Variants in TTC6 observed in about 807,000 individuals in gnomAD.
TTC6 encodes tetratricopeptide repeat protein 6.
Under a neutral mutation model 210.4 loss-of-function variants are expected in TTC6, and 172 were observed. That is an observed-to-expected ratio of 0.82 (90% CI 0.72 to 0.93). The LOEUF (loss-of-function observed/expected upper bound fraction) is 0.93, where lower values mean the gene tolerates loss of function less well. Ranked by LOEUF, TTC6 falls within the 40% of genes least tolerant of loss-of-function variation. The probability of loss-of-function intolerance (pLI) is 0.00; values close to 1 mark genes in which losing one functional copy is unlikely to be tolerated. For missense variants in TTC6, 2,414 were observed against 2,318.1 expected (o/e 1.04, Z -0.85); for synonymous variants, 804 against 819.6 (o/e 0.98, Z 0.32).
In TTC6 at chr14:37,643,167, G is replaced by A. The variant is rs1349660192; in HGVS notation, c.939+20164G>A. ...TACTAAAAATACAAAAACTAGCTGG[G>A]TGTGGTGGCTCACTCCTGTAATTCC... On this transcript the variant is annotated intron_variant, in intron 1 of 30. Transcript: ENST00000553443. 4.6e-5 allele frequency among the ~76,000 whole-genome samples: 7 copies of A among 152,114 alleles called. No individual in the cohort carries two copies. In the South Asian group the frequency reaches 1.5e-3, roughly 32 times the overall value.
intron 3 of TTC6, among the ~76,000 whole-genome samples, chr14:37,684,764 A>G (rs1335399074): frequency 4.6e-5 from 7 of 152,316 alleles, no homozygotes; most frequent in Non-Finnish European, 1.0e-4. Flanking sequence ...TTGAGTCCAT[A>G]AAGTTAGTTT....
At chr14:37,786,387 C>T (rs894240336) in intron 14 of TTC6, among the ~76,000 whole-genome samples, 1 of 152,236 alleles carries the variant, frequency 6.6e-6, no homozygotes. Context: ...GCTGTGCTAG[C>T]AGTGAGCAAG....
chr14:37,825,043 G>T (rs1447904573), intron 27 of TTC6, among the ~76,000 whole-genome samples: 2 of 152,198 alleles, frequency 1.3e-5, no homozygotes, highest in African/African-American at 4.8e-5. Context: ...GGAGTGTAAA[G>T]AATTGAGTCA....
chr14:37,666,293 T>A lies in TTC6; in HGVS notation c.940-13858T>A, dbSNP rs177895. 3.9e-3 allele frequency among the ~76,000 whole-genome samples: 580 copies of A among 149,836 alleles called. 12 individuals are homozygous for A. Among genetic ancestry groups the A allele is most frequent in the African/African-American group, 0.013 (522 of 41,282 alleles). Reference sequence around the variant, plus strand: ...CACTGGGCCTCCAAGTATGAGTTTGTTTGACAGATAGGTCCTACCATTTAA... The same window carrying A: ...CACTGGGCCTCCAAGTATGAGTTTGATTGACAGATAGGTCCTACCATTTAA... On this transcript the variant is annotated intron_variant, in intron 1 of 30. Transcript: ENST00000553443.
chr14:37,769,910 A>C (rs927069899), intron 14 of TTC6, among the ~76,000 whole-genome samples: 2 of 151,438 alleles, frequency 1.3e-5, no homozygotes, highest in Non-Finnish European at 3.0e-5. Context: ...GTCAATTTTG[A>C]ATCTTTCCTG....
chr14:37,681,021 A>G (rs1172070098), intron 2 of TTC6, among the ~76,000 whole-genome samples: 1 of 152,198 alleles, frequency 6.6e-6, no homozygotes, highest in Non-Finnish European at 1.5e-5. Flanking sequence ...CACAAATGGT[A>G]GAACTACTGG....
intron 14 of TTC6, among the ~76,000 whole-genome samples, chr14:37,761,327 C>T (rs568972380): frequency 6.6e-6 from 1 of 151,956 alleles, no homozygotes; most frequent in Admixed American, 6.6e-5. Context: ...GTTGGCTGCA[C>T]CCACTGCCTA....
chr14:37,760,733 A>G (rs1595213220), intron 14 of TTC6, among the ~76,000 whole-genome samples: 1 of 152,158 alleles, frequency 6.6e-6, no homozygotes, highest in Admixed American at 6.5e-5. Context: ...AGGAATCTAG[A>G]GAGGCAGTCT....
chr14:37,746,301 C>G (rs1333485249), intron 10 of TTC6, among the ~76,000 whole-genome samples: 1 of 152,150 alleles, frequency 6.6e-6, no homozygotes, highest in Non-Finnish European at 1.5e-5. Flanking sequence ...TATGCATTCT[C>G]TGGTCTCTCC....
chr14:37,795,165 G>T, intron 17 of TTC6, 105 bp from the exon 20 acceptor site: 1 of 636,486 alleles, frequency 1.6e-6, no homozygotes, highest in African/African-American at 1.9e-5. Context: ...TGTATGTTAG[G>T]AGATGTCCCT....
intron 23 of TTC6, among the ~76,000 whole-genome samples, chr14:37,808,282 G>C (rs970857724): frequency 6.6e-6 from 1 of 152,120 alleles, no homozygotes; most frequent in African/African-American, 2.4e-5. Context: ...GGTGATATAA[G>C]GTATCAGAGA....
At chr14:37,789,743 C>T (rs1222714007) in intron 15 of TTC6, among the ~76,000 whole-genome samples, 1 of 151,446 alleles carries the variant, frequency 6.6e-6, no homozygotes, top group Non-Finnish European at 1.5e-5. Context: ...AAGAAATCCC[C>T]TAATAATGCA....
intron 10 of TTC6, among the ~76,000 whole-genome samples, chr14:37,743,482 T>C (rs2095927231): frequency 6.6e-6 from 1 of 152,194 alleles, no homozygotes; most frequent in South Asian, 2.1e-4. Flanking sequence ...ACTTAGAAAA[T>C]ACAGCAATGC....
intron 14 of TTC6, among the ~76,000 whole-genome samples, chr14:37,785,720 A>C (rs2096065977): frequency 6.6e-6 from 1 of 152,168 alleles, no homozygotes; most frequent in Admixed American, 6.5e-5. Flanking sequence ...TAGAATGTTC[A>C]GCTTTTCTGC....
chr14:37,599,507 A>G (rs79054969), intron 1 of TTC6, among the ~76,000 whole-genome samples: 18 of 152,272 alleles, frequency 1.2e-4, no homozygotes, highest in Admixed American at 1.2e-3. Flanking sequence ...ACAAACAAAA[A>G]CAGCCACTGG....
chr14:37,746,133 T>C (rs969552737), intron 10 of TTC6, among the ~76,000 whole-genome samples: 5 of 152,210 alleles, frequency 3.3e-5, no homozygotes, highest in Non-Finnish European at 5.9e-5. Context: ...ATCTACCATA[T>C]CTGTAGTGGT....
intron 29 of TTC6, among the ~76,000 whole-genome samples, chr14:37,834,314 G>T (rs2096192911): frequency 6.6e-6 from 1 of 151,972 alleles, no homozygotes; most frequent in South Asian, 2.1e-4. Context: ...TCCCAAAATT[G>T]AATATTTGTT....
intron 14 of TTC6, among the ~76,000 whole-genome samples, chr14:37,766,698 A>G (rs1467130469): frequency 1.3e-5 from 2 of 152,114 alleles, no homozygotes; most frequent in Non-Finnish European, 2.9e-5. Context: ...TTATGGTACA[A>G]TGATTTATAT....
At chr14:37,692,908 A>G (rs1370814755) in intron 3 of TTC6, among the ~76,000 whole-genome samples, 1 of 151,342 alleles carries the variant, frequency 6.6e-6, no homozygotes. Context: ...AATAAATCCC[A>G]AAACCACATA....
Sources: gnomAD v4.1 joint callset for allele counts (sites outside exome capture counted in the v4.1 genomes callset) on GRCh38, gnomAD v4.1.1 for gene constraint, MANE v1.5 for transcripts, NCBI Gene and HGNC (gene_info 2026-07-23, HGNC 2026-07-21) for gene names.